CDH4: variants seen among roughly 807,000 people sequenced by gnomAD.
CDH4 encodes the protein cadherin-4.
Under a neutral mutation model 86.0 loss-of-function variants are expected in CDH4, and 33 were observed. The ratio of observed to expected loss-of-function variants is 0.38; its 90% CI spans 0.29 to 0.51. CDH4 has a LOEUF of 0.51. CDH4 is among the 20% of genes least tolerant of loss of function. The pLI, the probability that CDH4 is intolerant of heterozygous loss-of-function variation, is 0.86. For missense variants in CDH4, 1,114 were observed against 1,307.4 expected (o/e 0.85, Z 2.28); for synonymous variants, 555 against 549.4 (o/e 1.01, Z -0.14).
chr20:61,262,398 G>A (rs975061461), intron 2 of CDH4, among the ~76,000 whole-genome samples: 1 of 151,064 alleles, frequency 6.6e-6, no homozygotes, highest in Admixed American at 6.6e-5. Context: ...GTGGGTTCCC[G>A]TTTTCTGCCA....
At chr20:61,300,130 G>A (rs1042905992) in intron 2 of CDH4, among the ~76,000 whole-genome samples, 4 of 152,156 alleles carry the variant, frequency 2.6e-5, no homozygotes, top group African/African-American at 9.7e-5. Context: ...TGGAGCTTAC[G>A]GTGGCATGGG....
At chr20:61,695,356 T>C (rs1450706036) in intron 2 of CDH4, among the ~76,000 whole-genome samples, 1 of 152,194 alleles carries the variant, frequency 6.6e-6, no homozygotes, top group Non-Finnish European at 1.5e-5. Context: ...GGGTATCAGA[T>C]GTATTCCACG....
chr20:61,637,035 G>A (rs985008376), intron 2 of CDH4, among the ~76,000 whole-genome samples: 28 of 152,328 alleles, frequency 1.8e-4, no homozygotes, highest in Non-Finnish European at 2.8e-4. Context: ...GGGTCCATTC[G>A]GGGGCAGGCA....
At chr20:61,447,323 A>ATTTTT (rs71331923) in intron 2 of CDH4, among the ~76,000 whole-genome samples, 7 of 110,858 alleles carry the variant, frequency 6.3e-5, no homozygotes, top group Non-Finnish European at 1.1e-4. Context: ...CGCCCAGCTG[A>ATTTTT]TTTTTTTTTT....
intron 2 of CDH4, among the ~76,000 whole-genome samples, chr20:61,606,644 T>C (rs6121724): frequency 0.031 from 4,694 of 152,338 alleles, 88 homozygotes; most frequent in Middle Eastern, 0.075. Flanking sequence ...CTCAGTGGCC[T>C]GTCCTGGGAA....
chr20:61,308,332 A>G (rs554685124), intron 2 of CDH4, among the ~76,000 whole-genome samples: 9 of 152,356 alleles, frequency 5.9e-5, no homozygotes, highest in African/African-American at 2.2e-4. Flanking sequence ...CAAAGCTGCC[A>G]TGAGCCGCAG....
intron 2 of CDH4, among the ~76,000 whole-genome samples, chr20:61,511,480 TA>T (rs1441193278): frequency 6.6e-6 from 1 of 152,202 alleles, no homozygotes; most frequent in African/African-American, 2.4e-5. Flanking sequence ...GGCTAAACAG[TA>T]GACTCAGAGA....
chr20:61,870,981 T>A lies in CDH4; in HGVS notation c.878-2747T>A, dbSNP rs7263465. On this transcript the variant is annotated intron_variant, in intron 6 of 15. Transcript: ENST00000614565. ...TTTTGTTTATACAAGTCATATTCCT[T>A]AGACGCACCAGTGTATTTATCCTTT... 2.8e-3 allele frequency among the ~76,000 whole-genome samples: 425 copies of A among 152,258 alleles called. 1 individual carries two copies. The highest frequency in any genetic ancestry group is 9.8e-3 in the African/African-American group (407 of 41,550).
chr20:61,928,085 G>A (rs1343087338), intron 11 of CDH4, 105 bp from the exon 12 acceptor site: 15 of 863,526 alleles, frequency 1.7e-5, no homozygotes, highest in Non-Finnish European at 2.9e-5. Flanking sequence ...ATGTGTCCCT[G>A]TGTATGTTGC....
rs2085155445 is a variant in CDH4 at position 61,417,828 on chromosome 20, A to C, written c.169+162891A>C. ...TTTGGAAGGCGCCGCCAGAGACTGC[A>C]CTTCAGTGTACTGTGGTCCTGGGCC... On this transcript the variant is annotated intron_variant, in intron 2 of 15. Coordinates refer to ENST00000614565, the MANE Select transcript of CDH4 (RefSeq NM_001794.5). This position sits in a 1 kb window ranked among gnomAD's most constrained non-coding sequence, Gnocchi z 4.0. Among the ~76,000 whole-genome samples, 1 of 152,118 alleles carries C rather than the reference A, an allele frequency of 6.6e-6. No individual in the cohort carries two copies. The highest frequency in any genetic ancestry group is 6.5e-5 in the Admixed American group (1 of 15,268).
Position 61,389,887 on chromosome 20 carries a change from T to G in CDH4, c.169+134950T>G, listed in dbSNP as rs566078898. Among the ~76,000 whole-genome samples the G allele has an allele frequency of 1.2e-3, 186 of 151,270 alleles. 1 individual carries two copies. The highest frequency in any genetic ancestry group is 2.0e-3 in the Admixed American group (30 of 15,224). Reference sequence around the variant, plus strand: ...GTCTGGGAAACCCCGATTGAGATCGTGCGGTCATAGGGTGCCCATAGCACC... The same window carrying G: ...GTCTGGGAAACCCCGATTGAGATCGGGCGGTCATAGGGTGCCCATAGCACC... On this transcript the variant is annotated intron_variant, in intron 2 of 15. Transcript: ENST00000614565.
chr20:61,280,153 T>G (rs1027311995), intron 2 of CDH4, among the ~76,000 whole-genome samples: 3 of 151,774 alleles, frequency 2.0e-5, no homozygotes, highest in Non-Finnish European at 4.4e-5. Flanking sequence ...CTGGGTGGGG[T>G]GACCCTGGGC....
chr20:61,874,509 G>A (rs1018013748), intron 7 of CDH4, among the ~76,000 whole-genome samples: 5 of 152,100 alleles, frequency 3.3e-5, no homozygotes, highest in East Asian at 1.9e-4. Context: ...TCAAGTGCCC[G>A]CCCCACTCAG....
chr20:61,409,121 G>T (rs2085100482), intron 2 of CDH4, among the ~76,000 whole-genome samples: 2 of 152,232 alleles, frequency 1.3e-5, no homozygotes, highest in Non-Finnish European at 2.9e-5. Context: ...TGCCAAGGCT[G>T]CACCGGCCAC....
chr20:61,373,014 T>C (rs768573182), intron 2 of CDH4, among the ~76,000 whole-genome samples: 3 of 152,274 alleles, frequency 2.0e-5, no homozygotes, highest in Non-Finnish European at 2.9e-5. Flanking sequence ...AACGCTTTTA[T>C]AAAAAGTACT....
chr20:61,435,516 A>T (rs2085276020), intron 2 of CDH4: 2 of 152,532 alleles, frequency 1.3e-5, no homozygotes, highest in African/African-American at 2.4e-5. Flanking sequence ...GAGGTGGAGG[A>T]TGGAAAGTAA....
chr20:61,636,402 C>A (rs1271053894), intron 2 of CDH4, among the ~76,000 whole-genome samples: 2 of 152,220 alleles, frequency 1.3e-5, no homozygotes, highest in Admixed American at 1.3e-4. Context: ...AAGAGAGAGA[C>A]CTGCTAGGGC....
intron 3 of CDH4, among the ~76,000 whole-genome samples, chr20:61,752,196 G>C (rs970249505): frequency 6.6e-6 from 1 of 152,076 alleles, no homozygotes; most frequent in Non-Finnish European, 1.5e-5. Flanking sequence ...GCTAGGCATG[G>C]TGGTGCACAC....
intron 2 of CDH4, among the ~76,000 whole-genome samples, chr20:61,273,824 G>C (rs1176505043): frequency 6.7e-6 from 1 of 149,990 alleles, no homozygotes; most frequent in African/African-American, 2.5e-5. Flanking sequence ...GTTTGGGGGA[G>C]TACTATGTGC....
Sources: gnomAD v4.1 joint callset for allele counts (sites outside exome capture counted in the v4.1 genomes callset) on GRCh38, gnomAD v4.1.1 for gene constraint, Gnocchi (gnomAD v3.1) non-coding constraint, MANE v1.5 for transcripts, NCBI Gene and HGNC (gene_info 2026-07-23, HGNC 2026-07-21) for gene names.